Variants in FSTL5 observed in about 807,000 individuals in gnomAD.
The protein encoded by FSTL5 is follistatin-related protein 5.
A neutral mutation model predicts 89.1 loss-of-function variants in FSTL5; 62 were observed. The observed-to-expected ratio is 0.70, with a 90% confidence interval of 0.57 to 0.86. The LOEUF (loss-of-function observed/expected upper bound fraction) is 0.86, where lower values mean the gene tolerates loss of function less well. FSTL5 is among the 40% of genes least tolerant of loss of function. FSTL5 has a pLI of 0.00. For synonymous variants in FSTL5, 383 were observed against 346.2 expected (o/e 1.11, Z -1.18); for missense variants, 1,057 against 1,001.6 (o/e 1.06, Z -0.75).
At chr4:161,834,481 G>C (rs1560872131) in intron 4 of FSTL5, among the ~76,000 whole-genome samples, 1 of 152,124 alleles carries the variant, frequency 6.6e-6, no homozygotes, top group African/African-American at 2.4e-5. Flanking sequence ...GAAATAAAGG[G>C]TATTCAATCA....
At chr4:161,606,427 G>T (rs4333142) in intron 7 of FSTL5, among the ~76,000 whole-genome samples, 151,249 of 151,706 alleles carry the variant, frequency 1, 75,399 homozygotes, top group Middle Eastern at 1. Flanking sequence ...AGACGGGGTT[G>T]CACCATGTTG....
intron 4 of FSTL5, among the ~76,000 whole-genome samples, chr4:161,778,613 C>T (rs1741508486): frequency 6.6e-6 from 1 of 152,130 alleles, no homozygotes; most frequent in Admixed American, 6.5e-5. Context: ...TTTAGCAATC[C>T]TGTCAACAAG....
intron 8 of FSTL5, among the ~76,000 whole-genome samples, chr4:161,580,403 C>T (rs565543332): frequency 6.6e-5 from 10 of 152,234 alleles, no homozygotes; most frequent in Admixed American, 5.9e-4. Flanking sequence ...TCTCCAAAAG[C>T]AGCTCTGAGA....
At chr4:161,698,513 T>C in intron 6 of FSTL5, among the ~76,000 whole-genome samples, 1 of 152,174 alleles carries the variant, frequency 6.6e-6, no homozygotes, top group Non-Finnish European at 1.5e-5. Context: ...TGAGTTGATG[T>C]GACGGGGCTG....
rs1417040638 is a variant in FSTL5 at position 161,532,509 on chromosome 4, T to G, written c.1312+5657A>C. 3.9e-5 allele frequency among the ~76,000 whole-genome samples: 6 copies of G among 152,184 alleles called. No homozygotes were observed. In the East Asian group the frequency reaches 1.2e-3, roughly 29 times the overall value. ...CTACTGAAAACAATCCCTGAAATTA[T>G]TTTTTGTAGATTTATACAAGTCAAT... On this transcript the variant is annotated intron_variant, in intron 10 of 15. Transcript: ENST00000306100.
At chr4:161,898,461 G>GCCAA (rs1482334113) in intron 4 of FSTL5, among the ~76,000 whole-genome samples, 1 of 151,858 alleles carries the variant, frequency 6.6e-6, no homozygotes, top group African/African-American at 2.4e-5. Flanking sequence ...ATAGGAAAGT[G>GCCAA]CCAAACTGTT....
intron 3 of FSTL5, among the ~76,000 whole-genome samples, chr4:161,987,466 A>G (rs144644443): frequency 0.03 from 4,311 of 144,384 alleles, 110 homozygotes; most frequent in Admixed American, 0.039. Context: ...CTTTATATAT[A>G]TATGTATATA....
chr4:161,603,904 C>T (rs1027881632), intron 7 of FSTL5, among the ~76,000 whole-genome samples: 2 of 152,044 alleles, frequency 1.3e-5, no homozygotes, highest in Admixed American at 1.3e-4. Flanking sequence ...GCATTTTTTA[C>T]CTGGCTAAGG....
At chr4:162,009,098 T>C (rs1450789990) in intron 3 of FSTL5, among the ~76,000 whole-genome samples, 4 of 152,102 alleles carry the variant, frequency 2.6e-5, no homozygotes, top group Non-Finnish European at 5.9e-5. Context: ...TGTGTTCTCT[T>C]TTAGCAAAGC....
chr4:162,082,011 T>A (rs891122030), intron 2 of FSTL5, among the ~76,000 whole-genome samples: 2 of 151,676 alleles, frequency 1.3e-5, no homozygotes, highest in African/African-American at 4.8e-5. Context: ...CGTTTAAAAA[T>A]TAAGGTATTT....
intron 10 of FSTL5, among the ~76,000 whole-genome samples, chr4:161,532,838 T>C (rs188046162): frequency 5.3e-5 from 8 of 152,048 alleles, no homozygotes; most frequent in Admixed American, 2.0e-4. Context: ...ATAACACAAG[T>C]CTTAATAAAT....
chr4:161,938,928 A>C (rs1004174899), intron 3 of FSTL5, among the ~76,000 whole-genome samples: 2 of 151,914 alleles, frequency 1.3e-5, no homozygotes, highest in Non-Finnish European at 2.9e-5. Flanking sequence ...ATCAAATGTT[A>C]ATTAGCTTAT....
intron 11 of FSTL5, among the ~76,000 whole-genome samples, chr4:161,504,720 C>G (rs551588786): frequency 2.6e-5 from 4 of 151,802 alleles, no homozygotes; most frequent in African/African-American, 9.6e-5. Flanking sequence ...AATATTGTAC[C>G]CTTAAATACA....
intron 2 of FSTL5, among the ~76,000 whole-genome samples, chr4:162,059,930 A>T (rs912264180): frequency 1.3e-5 from 2 of 152,128 alleles, no homozygotes; most frequent in African/African-American, 2.4e-5. Context: ...GTGCATAAGA[A>T]TCACCAGGGA....
At chr4:162,087,936 G>C (rs1490727487) in intron 2 of FSTL5, among the ~76,000 whole-genome samples, 1 of 151,492 alleles carries the variant, frequency 6.6e-6, no homozygotes, top group Non-Finnish European at 1.5e-5. Context: ...AGTCATTCTT[G>C]GATTATGGAT....
chr4:161,709,259 T>A (rs1389952402), intron 6 of FSTL5, among the ~76,000 whole-genome samples: 2 of 152,178 alleles, frequency 1.3e-5, no homozygotes, highest in Non-Finnish European at 2.9e-5. Flanking sequence ...CACATAAATT[T>A]AAAAATTCAA....
intron 3 of FSTL5, among the ~76,000 whole-genome samples, chr4:161,994,699 TG>T (rs1187936659): frequency 6.6e-6 from 1 of 152,234 alleles, no homozygotes; most frequent in Non-Finnish European, 1.5e-5. Flanking sequence ...GTGTCTGTTA[TG>T]TGCTTTTCCT....
chr4:161,714,313 G>T (rs1738903202), intron 6 of FSTL5, among the ~76,000 whole-genome samples: 1 of 152,170 alleles, frequency 6.6e-6, no homozygotes, highest in Non-Finnish European at 1.5e-5. Flanking sequence ...CTCAGAACCA[G>T]TATGCACATC....
chr4:161,897,575 CAAAAAAAA>C (rs35785865), intron 4 of FSTL5, among the ~76,000 whole-genome samples: 2 of 81,450 alleles, frequency 2.5e-5, no homozygotes, highest in Non-Finnish European at 5.0e-5. Context: ...AACTCCGTCT[CAAAAAAAA>C]AAAAAAAAAA....
Sources: allele counts gnomAD v4.1 joint callset (sites outside exome capture counted in the v4.1 genomes callset), GRCh38; gene constraint gnomAD v4.1.1; transcripts MANE v1.5; gene names NCBI Gene and HGNC (gene_info 2026-07-23, HGNC 2026-07-21).